Variants in PREX1 observed in about 807,000 individuals in gnomAD.
PREX1 encodes the protein phosphatidylinositol 3,4,5-trisphosphate-dependent Rac exchanger 1 protein.
A neutral mutation model predicts 198.3 loss-of-function variants in PREX1; 41 were observed. The ratio of observed to expected loss-of-function variants is 0.21; its 90% CI spans 0.16 to 0.27. The LOEUF (loss-of-function observed/expected upper bound fraction) is 0.27, where lower values mean the gene tolerates loss of function less well. Among genes scored for constraint, PREX1 ranks in the 10% least tolerant of loss-of-function variants. The pLI, the probability that PREX1 is intolerant of heterozygous loss-of-function variation, is 1.00. For missense variants in PREX1, 1,620 were observed against 2,200.7 expected (o/e 0.74, Z 5.28); for synonymous variants, 843 against 887.2 (o/e 0.95, Z 0.89).
Position 48,679,773 on chromosome 20 carries a change from C to A in PREX1, c.1436-19G>T, listed in dbSNP as rs748907847. ...TCGGAAACTGGAGAGACAGGAGGAC[C>A]TGTGACGCTGGGCACGCCCCCTCAG... On this transcript the variant is annotated intron_variant, in intron 11 of 39. Transcript: ENST00000371941. 1 of 1,585,462 alleles carries A rather than the reference C, an allele frequency of 6.3e-7. No individual in the cohort carries two copies. Among genetic ancestry groups the A allele is most frequent in the Non-Finnish European group, 8.7e-7 (1 of 1,153,992 alleles).
intron 1 of PREX1, among the ~76,000 whole-genome samples, chr20:48,819,550 A>G (rs945366584): frequency 3.3e-5 from 5 of 152,254 alleles, no homozygotes; most frequent in African/African-American, 7.2e-5. Context: ...TGTGGACTTC[A>G]GCAAGTTACT....
chr20:48,726,215 T>C, intron 5 of PREX1, 75 bp downstream of exon 5: 1 of 1,265,268 alleles, frequency 7.9e-7, no homozygotes, highest in East Asian at 2.4e-5. Flanking sequence ...ACTTCTCAGA[T>C]ACTTGAACTA....
intron 1 of PREX1, among the ~76,000 whole-genome samples, chr20:48,758,557 G>T (rs1351777111): frequency 6.6e-6 from 1 of 152,164 alleles, no homozygotes; most frequent in South Asian, 2.1e-4. Flanking sequence ...ACACCAGGAC[G>T]GCCTCGCTGC....
intron 5 of PREX1, among the ~76,000 whole-genome samples, chr20:48,722,179 C>A (rs1313099882): frequency 6.6e-6 from 1 of 152,170 alleles, no homozygotes; most frequent in Non-Finnish European, 1.5e-5. Flanking sequence ...CAACATGACT[C>A]ACAATAGCCA....
intron 14 of PREX1, among the ~76,000 whole-genome samples, chr20:48,668,708 C>T (rs2089656085): frequency 6.6e-6 from 1 of 152,222 alleles, no homozygotes; most frequent in African/African-American, 2.4e-5. Flanking sequence ...CATAAAGACA[C>T]ATTTCTCCCA....
intron 1 of PREX1, among the ~76,000 whole-genome samples, chr20:48,751,450 C>G (rs1202290686): frequency 3.3e-5 from 5 of 152,178 alleles, no homozygotes; most frequent in African/African-American, 1.2e-4. Flanking sequence ...CTCGGGCCAC[C>G]CACTGAGGAA....
the PREX1 span, among the ~76,000 whole-genome samples, chr20:48,874,858 C>T: frequency 4.1e-3 from 606 of 149,186 alleles, 5 homozygotes; most frequent in Non-Finnish European, 6.4e-3. Context: ...CCCTGGGCAA[C>T]GGGAGTGAAA....
At chr20:48,850,998 G>A in the PREX1 span, among the ~76,000 whole-genome samples, 12 of 152,240 alleles carry the variant, frequency 7.9e-5, no homozygotes, top group East Asian at 1.7e-3. Flanking sequence ...AGACTATTTC[G>A]TGACACATGA....
At chr20:48,705,494 C>T (rs2089898759) in intron 6 of PREX1, among the ~76,000 whole-genome samples, 1 of 152,206 alleles carries the variant, frequency 6.6e-6, no homozygotes, top group Non-Finnish European at 1.5e-5. Context: ...GAGATGACAG[C>T]TATCTGATCA....
At chr20:48,869,400 G>A in the PREX1 span, among the ~76,000 whole-genome samples, 1 of 151,972 alleles carries the variant, frequency 6.6e-6, no homozygotes, top group Non-Finnish European at 1.5e-5. Flanking sequence ...CTGGGCTCAA[G>A]CTGTCCTCCT....
At chr20:48,657,304 G>T in intron 17 of PREX1, 116 bp from the exon 18 acceptor site, 2 of 1,226,902 alleles carry the variant, frequency 1.6e-6, no homozygotes, top group Non-Finnish European at 2.3e-6. Flanking sequence ...GATCCAGCAG[G>T]ACTGGGTGAC....
rs3037311 is a variant in PREX1 at position 48,743,990 on chromosome 20, G to GTGATGA, written c.414+1029_414+1034dup. On this transcript the variant is annotated intron_variant, in intron 3 of 39. Transcript: ENST00000371941. Reference sequence around the variant, plus strand: ...TGTGATCCCTTGGAGAAGTGAGTTAGTGATGATGATGATGATGATGATGAT... The same window carrying GTGATGA: ...TGTGATCCCTTGGAGAAGTGAGTTAGTGATGATGATGATGATGATGATGATGATGAT... 6.6e-3 allele frequency among the ~76,000 whole-genome samples: 981 copies of GTGATGA among 149,264 alleles called. 6 individuals are homozygous for GTGATGA. The highest frequency in any genetic ancestry group is 0.03 in the East Asian group (153 of 5,038).
chr20:48,696,723 T>C (rs2089848446), intron 7 of PREX1, among the ~76,000 whole-genome samples: 1 of 152,126 alleles, frequency 6.6e-6, no homozygotes, highest in South Asian at 2.1e-4. Flanking sequence ...CAAAGTTTGA[T>C]GACAGGATGG....
chr20:48,794,977 CAT>C (rs1375018606), intron 1 of PREX1, among the ~76,000 whole-genome samples: 1 of 152,206 alleles, frequency 6.6e-6, no homozygotes, highest in East Asian at 1.9e-4. Context: ...GAAACCCTCA[CAT>C]GTCAACTATT....
the PREX1 span, among the ~76,000 whole-genome samples, chr20:48,883,957 G>C: frequency 6.6e-6 from 1 of 151,908 alleles, no homozygotes; most frequent in Non-Finnish European, 1.5e-5. Context: ...TGGCTAACAC[G>C]GTGAAACCCC....
At position 48,691,963 on chromosome 20, in the gene PREX1, C is replaced by A. The variant is rs752644700; in HGVS notation, c.1036+709G>T. Among the ~76,000 whole-genome samples the A allele has an allele frequency of 5.9e-5, 9 of 152,214 alleles. No individual in the cohort carries two copies. The highest frequency in any genetic ancestry group is 3.3e-4 in the Admixed American group (5 of 15,288). ...GGAGTGCACTGGTGAAATCATGGCTCACTGCAGCATCGAACTCCTGGGCTA... is the reference window on the plus strand; with the variant it reads ...GGAGTGCACTGGTGAAATCATGGCTAACTGCAGCATCGAACTCCTGGGCTA... On this transcript the variant is annotated intron_variant, in intron 8 of 39. Coordinates refer to ENST00000371941, the MANE Select transcript of PREX1 (RefSeq NM_020820.4). This position sits in a 1 kb window ranked among gnomAD's most constrained non-coding sequence, Gnocchi z 5.0.
chr20:48,661,419 C>CAAAAAAAAAAAAA (rs1168247790), intron 15 of PREX1, among the ~76,000 whole-genome samples: 2 of 12,026 alleles, frequency 1.7e-4, no homozygotes, highest in Non-Finnish European at 2.5e-4. Flanking sequence ...AACTCCATCT[C>CAAAAAAAAAAAAA]AAAAAAAAAA....
At chr20:48,809,695 A>G (rs1030512132) in intron 1 of PREX1, among the ~76,000 whole-genome samples, 1 of 152,228 alleles carries the variant, frequency 6.6e-6, no homozygotes, top group African/African-American at 2.4e-5. Flanking sequence ...GCCCAAGAGC[A>G]GGAAGACACC....
At chr20:48,642,727 T>A in intron 27 of PREX1, 1 of 440,896 alleles carries the variant, frequency 2.3e-6, no homozygotes, top group Non-Finnish European at 4.0e-6. Context: ...TGTAAAGCAC[T>A]GCTACTGTTT....
Sources: allele counts gnomAD v4.1 joint callset (sites outside exome capture counted in the v4.1 genomes callset), GRCh38; gene constraint gnomAD v4.1.1; non-coding constraint Gnocchi (gnomAD v3.1); transcripts MANE v1.5; gene names NCBI Gene and HGNC (gene_info 2026-07-23, HGNC 2026-07-21).